The following ACTN2 variants were observed in gnomAD, a reference collection of about 807,000 sequenced individuals.
The protein encoded by ACTN2 is actinin alpha 2.
Under a neutral mutation model 113.8 loss-of-function variants are expected in ACTN2, and 39 were observed. That is an observed-to-expected ratio of 0.34 (90% CI 0.27 to 0.45). The LOEUF (loss-of-function observed/expected upper bound fraction) is 0.45. Among genes scored for constraint, ACTN2 ranks in the 20% least tolerant of loss-of-function variants. The probability of loss-of-function intolerance (pLI) is 1.00; values close to 1 mark genes in which losing one functional copy is unlikely to be tolerated. For synonymous variants in ACTN2, 429 were observed against 444.1 expected (o/e 0.97, Z 0.43); for missense variants, 992 against 1,177.9 (o/e 0.84, Z 2.31).
chr1:236,733,491 A>G (rs1658771940), intron 7 of ACTN2, among the ~76,000 whole-genome samples: 1 of 152,070 alleles, frequency 6.6e-6, no homozygotes, highest in Admixed American at 6.6e-5. Flanking sequence ...CCTCCTCCTC[A>G]TCTTCCATAC....
intron 1 of ACTN2, among the ~76,000 whole-genome samples, chr1:236,700,148 T>C (rs991690039): frequency 2.6e-5 from 4 of 152,194 alleles, no homozygotes; most frequent in Admixed American, 1.3e-4. Context: ...CCTGCCTTTC[T>C]AGGGATCACT....
At position 236,743,041 on chromosome 1, in the gene ACTN2, A is replaced by G; in HGVS notation, c.1253A>G (p.Tyr418Cys). The change falls in exon 11 of 21, where the codon TAT becomes TGT. Residue 418 changes from tyrosine (Y) to cysteine (C), a missense_variant and splice_region_variant. By Grantham distance (194) the Tyr-to-Cys change is radical. Transcript: ENST00000366578. ...QKASTHETWA[Y>C]GKEQILLQKD... ...GCCTCAACGCACGAGACTTGGGCTT[A>G]TGGTAAGTAGACAGGAGTCAGATTG... The G allele has an allele frequency of 6.2e-7, 1 of 1,614,128 alleles. No homozygotes were observed. The highest frequency in any genetic ancestry group is 2.2e-5 in the East Asian group (1 of 44,886).
At chr1:236,733,592 G>A (rs916948696) in intron 7 of ACTN2, among the ~76,000 whole-genome samples, 3 of 152,158 alleles carry the variant, frequency 2.0e-5, no homozygotes, top group Admixed American at 2.0e-4. Flanking sequence ...AGAATCTTCC[G>A]GCAAACAGTT....
At chr1:236,732,475 C>T (rs1188832613) in intron 7 of ACTN2, among the ~76,000 whole-genome samples, 1 of 150,442 alleles carries the variant, frequency 6.6e-6, no homozygotes, top group Non-Finnish European at 1.5e-5. Context: ...CAGAGTCTCA[C>T]TCCGTCGCCC....
At chr1:236,693,878 C>T (rs1300072133) in intron 1 of ACTN2, among the ~76,000 whole-genome samples, 1 of 152,148 alleles carries the variant, frequency 6.6e-6, no homozygotes, top group Admixed American at 6.5e-5. Context: ...AGAGTTCAAG[C>T]CTCTTATGGT....
At chr1:236,720,269 A>G in intron 4 of ACTN2, 78 bp downstream of exon 4, 2 of 1,143,760 alleles carry the variant, frequency 1.7e-6, no homozygotes, top group East Asian at 4.7e-5. Flanking sequence ...AAGATGTTTT[A>G]AAGTCCAACA....
chr1:236,707,681 CTTTCTTTTCT>C (rs869111839), intron 1 of ACTN2, among the ~76,000 whole-genome samples: 1 of 114,726 alleles, frequency 8.7e-6, no homozygotes, highest in African/African-American at 2.8e-5. Flanking sequence ...TTTTTCTTTT[CTTTCTTTTCT>C]TTTCTTTTCT....
At chr1:236,746,180 AAAAG>A (rs1553303295) in intron 12 of ACTN2, among the ~76,000 whole-genome samples, 5 of 150,940 alleles carry the variant, frequency 3.3e-5, no homozygotes, top group African/African-American at 1.2e-4. Flanking sequence ...AAAAAAAAAA[AAAAG>A]AAAGAAAAAA....
In ACTN2 at chr1:236,686,719, G is replaced by A. The variant is rs775052416; in HGVS notation, c.46G>A (p.Glu16Lys). The A allele has an allele frequency of 2.6e-6, 4 of 1,568,268 alleles. No individual in the cohort carries two copies. Among genetic ancestry groups the A allele is most frequent in the Non-Finnish European group, 3.5e-6 (4 of 1,157,172 alleles). Reference protein sequence around the residue: ...PGVQYNYVYDEDEYMIQEEEW... With the variant: ...PGVQYNYVYDKDEYMIQEEEW... ...CGTGCAGTACAACTACGTGTACGAC[G>A]AGGATGAGTACATGATCCAGGAGGA... is the stretch of plus-strand genomic sequence containing the variant. The change falls in exon 1 of 21, where the codon GAG becomes AAG. Residue 16 changes from glutamate (E) to lysine (K), a missense_variant. Physicochemically the swap from Glu to Lys is moderately conservative, Grantham distance 56. This residue lies in a region of ACTN2 where 36 missense variants were observed against 25.0 expected (regional missense o/e 1.44). Transcript: ENST00000366578.
chr1:236,716,144 C>G (rs1658204351), intron 1 of ACTN2, among the ~76,000 whole-genome samples: 2 of 148,192 alleles, frequency 1.3e-5, no homozygotes, highest in African/African-American at 5.0e-5. Context: ...CTGTCACCTC[C>G]TTCTTGAAAG....
At chr1:236,693,177 G>GCACA (rs35891713) in intron 1 of ACTN2, among the ~76,000 whole-genome samples, 15,941 of 148,980 alleles carry the variant, frequency 0.11, 886 homozygotes, top group East Asian at 0.2. Flanking sequence ...CTGCACACAT[G>GCACA]CACACACACA....
intron 1 of ACTN2, among the ~76,000 whole-genome samples, chr1:236,703,033 A>C (rs1020012637): frequency 9.8e-5 from 15 of 152,310 alleles, no homozygotes; most frequent in South Asian, 2.1e-4. Flanking sequence ...GAGAATCATC[A>C]GTGTGCTTTT....
intron 1 of ACTN2, among the ~76,000 whole-genome samples, chr1:236,706,399 A>G (rs1254416062): frequency 6.6e-6 from 1 of 152,184 alleles, no homozygotes; most frequent in Admixed American, 6.5e-5. Context: ...TCTGTGTGTC[A>G]CTTTCACCAG....
At chr1:236,686,926 T>G (rs1020410629) in intron 1 of ACTN2, 127 bp downstream of exon 1, 1 of 1,055,108 alleles carries the variant, frequency 9.5e-7, no homozygotes, top group Non-Finnish European at 1.2e-6. Context: ...TGCTGTCCTG[T>G]GCCCTCGCAG....
intron 1 of ACTN2, among the ~76,000 whole-genome samples, chr1:236,708,525 T>C (rs1233577290): frequency 6.6e-6 from 1 of 152,186 alleles, no homozygotes; most frequent in Non-Finnish European, 1.5e-5. Context: ...ACTTCCTTGA[T>C]ATTAGTGTAG....
intron 1 of ACTN2, among the ~76,000 whole-genome samples, chr1:236,709,768 T>C (rs1163333816): frequency 6.6e-6 from 1 of 152,208 alleles, no homozygotes; most frequent in East Asian, 1.9e-4. Context: ...TGCTCACCCC[T>C]GAGTTTTCTG....
intron 1 of ACTN2, among the ~76,000 whole-genome samples, chr1:236,713,290 C>T (rs1572107974): frequency 1.3e-5 from 2 of 151,432 alleles, no homozygotes; most frequent in African/African-American, 4.9e-5. Context: ...TGCAATGGCA[C>T]GATCTTGGCT....
At chr1:236,749,621 AC>A (rs1659337195) in intron 14 of ACTN2, among the ~76,000 whole-genome samples, 1 of 151,744 alleles carries the variant, frequency 6.6e-6, no homozygotes. Context: ...ATGTGGCAAA[AC>A]CCCGTCTCTA....
At chr1:236,735,930 T>C (rs1356244000) in intron 8 of ACTN2, among the ~76,000 whole-genome samples, 6 of 152,252 alleles carry the variant, frequency 3.9e-5, no homozygotes, top group Non-Finnish European at 7.3e-5. Flanking sequence ...TTTTTATGTG[T>C]TTTACTTTTA....
Sources: gnomAD v4.1 joint callset for allele counts (sites outside exome capture counted in the v4.1 genomes callset) on GRCh38, gnomAD v4.1.1 for gene constraint, gnomAD v4.1.1 regional missense constraint, MANE v1.5 for transcripts, NCBI Gene and HGNC (gene_info 2026-07-23, HGNC 2026-07-21) for gene names.